Variants in TLK1 observed in about 807,000 individuals in gnomAD.
The protein encoded by TLK1 is serine/threonine-protein kinase tousled-like 1.
A neutral mutation model predicts 105.3 loss-of-function variants in TLK1; 24 were observed. That is an observed-to-expected ratio of 0.23 (90% CI 0.17 to 0.32). The LOEUF (loss-of-function observed/expected upper bound fraction) is 0.32. TLK1 is among the 10% of genes least tolerant of loss of function. TLK1 has a pLI of 1.00. For synonymous variants in TLK1, 321 were observed against 310.4 expected, an observed-to-expected ratio of 1.03 and a Z score of -0.36; for missense variants, 558 against 910.5, an observed-to-expected ratio of 0.61 and a Z score of 4.98.
At chr2:171,144,488 A>G (rs1322488425) in intron 1 of TLK1, among the ~76,000 whole-genome samples, 2 of 152,234 alleles carry the variant, frequency 1.3e-5, no homozygotes, top group African/African-American at 4.8e-5. Context: ...TCTGATCACA[A>G]TAGAATTAAA....
At chr2:171,056,999 A>G (rs1261933697) in intron 5 of TLK1, among the ~76,000 whole-genome samples, 5 of 152,188 alleles carry the variant, frequency 3.3e-5, no homozygotes, top group Non-Finnish European at 5.9e-5. Flanking sequence ...TTTAAACAGA[A>G]TATCATTCTC....
At chr2:171,144,587 TAAAAAG>T (rs1407453382) in intron 1 of TLK1, among the ~76,000 whole-genome samples, 5 of 151,248 alleles carry the variant, frequency 3.3e-5, no homozygotes, top group African/African-American at 1.2e-4. Flanking sequence ...TCAAATGAAA[TAAAAAG>T]AAAAATTAGA....
chr2:171,076,006 T>A (rs181617306), intron 3 of TLK1, among the ~76,000 whole-genome samples: 95 of 152,226 alleles, frequency 6.2e-4, no homozygotes, highest in African/African-American at 2.2e-3. Context: ...TCACTTGCGG[T>A]CAGGAGTTCA....
chr2:171,103,179 G>A (rs780045622), intron 2 of TLK1, among the ~76,000 whole-genome samples: 4 of 151,718 alleles, frequency 2.6e-5, no homozygotes, highest in Non-Finnish European at 5.9e-5. Flanking sequence ...TCTGTGTGGG[G>A]CACAGTGAAG....
chr2:171,042,197 A>C (rs1032494003), intron 11 of TLK1, among the ~76,000 whole-genome samples: 1 of 152,170 alleles, frequency 6.6e-6, no homozygotes, highest in Non-Finnish European at 1.5e-5. Flanking sequence ...CCTGTGACAA[A>C]CCAGAAAGAT....
At chr2:171,021,433 CTTTTTTTTT>C (rs531522490) in intron 12 of TLK1, among the ~76,000 whole-genome samples, 2 of 116,818 alleles carry the variant, frequency 1.7e-5, no homozygotes, top group Admixed American at 8.8e-5. Context: ...CCCGCCCCGA[CTTTTTTTTT>C]TTTTTTTTTT....
intron 2 of TLK1, among the ~76,000 whole-genome samples, chr2:171,086,446 T>C (rs1173276960): frequency 1.3e-5 from 2 of 151,860 alleles, no homozygotes; most frequent in African/African-American, 2.4e-5. Flanking sequence ...GCCAACATAG[T>C]GAAACCCCGT....
intron 1 of TLK1, among the ~76,000 whole-genome samples, chr2:171,152,157 T>C (rs1692067924): frequency 6.6e-6 from 1 of 152,170 alleles, no homozygotes. Flanking sequence ...AGCTAATTAG[T>C]TTTCAAGGAA....
At chr2:171,018,379 T>C (rs1003907044) in intron 12 of TLK1, among the ~76,000 whole-genome samples, 1 of 152,234 alleles carries the variant, frequency 6.6e-6, no homozygotes, top group African/African-American at 2.4e-5. Context: ...TGTAGATAAA[T>C]GCTAGGGCAA....
intron 2 of TLK1, among the ~76,000 whole-genome samples, chr2:171,112,911 A>C (rs1333342007): frequency 6.6e-6 from 1 of 152,186 alleles, no homozygotes; most frequent in Non-Finnish European, 1.5e-5. Flanking sequence ...AGGATAACCT[A>C]ATCTTACAAA....
chr2:171,141,904 A>G (rs1691591258), intron 1 of TLK1, among the ~76,000 whole-genome samples: 1 of 152,208 alleles, frequency 6.6e-6, no homozygotes, highest in South Asian at 2.1e-4. Context: ...CTGAGTATAT[A>G]AACAAATTTA....
intron 11 of TLK1, among the ~76,000 whole-genome samples, chr2:171,032,138 T>C (rs1377846855): frequency 6.6e-6 from 1 of 152,004 alleles, no homozygotes; most frequent in South Asian, 2.1e-4. Context: ...ACTAACATCA[T>C]AGTTAATGGT....
intron 1 of TLK1, among the ~76,000 whole-genome samples, chr2:171,204,882 C>T (rs944450972): frequency 6.6e-6 from 1 of 151,234 alleles, no homozygotes; most frequent in Non-Finnish European, 1.5e-5. Context: ...CACTTGAACC[C>T]GGGATTCGGA....
At chr2:171,037,171 T>C (rs185893066) in intron 11 of TLK1, among the ~76,000 whole-genome samples, 36 of 152,010 alleles carry the variant, frequency 2.4e-4, no homozygotes, top group Non-Finnish European at 1.0e-4. Flanking sequence ...GCCTGGCACG[T>C]TGGCTCACGC....
At chr2:171,144,316 A>C (rs569902051) in intron 1 of TLK1, among the ~76,000 whole-genome samples, 7 of 151,868 alleles carry the variant, frequency 4.6e-5, no homozygotes, top group African/African-American at 1.7e-4. Flanking sequence ...ACTATAATCA[A>C]CTAGATGGAA....
chr2:171,178,914 A>G (rs1223951252), intron 1 of TLK1, among the ~76,000 whole-genome samples: 1 of 152,204 alleles, frequency 6.6e-6, no homozygotes, highest in Non-Finnish European at 1.5e-5. Flanking sequence ...AATTTTATAT[A>G]TACTTTTTAT....
At position 171,106,527 on chromosome 2, in the gene TLK1, TCTGTTG is replaced by T. The variant is rs369098125; in HGVS notation, c.258+11206_258+11211del. Among the ~76,000 whole-genome samples, 524 of 152,320 alleles carry T rather than the reference TCTGTTG, an allele frequency of 3.4e-3. 6 individuals carry two copies. The highest frequency in any genetic ancestry group is 0.012 in the African/African-American group (483 of 41,562). On this transcript the variant is annotated intron_variant, in intron 2 of 20. Transcript: ENST00000431350. ...AAAAATGAAGGTTGTATGTACAGTA[TCTGTTG>T]CTTGTGCTTACTTCCTTGCTGCTGG...
chr2:171,125,569 C>A (rs1690835446), intron 1 of TLK1, among the ~76,000 whole-genome samples: 1 of 152,130 alleles, frequency 6.6e-6, no homozygotes, highest in Non-Finnish European at 1.5e-5. Context: ...TTGTGGTACA[C>A]CAAACAGTAG....
intron 4 of TLK1, chr2:171,059,844 C>T: frequency 1.2e-6 from 1 of 801,670 alleles, no homozygotes; most frequent in Non-Finnish European, 2.2e-6. Context: ...AAGGTTCACA[C>T]TCCTATGAGA....
Sources: allele counts gnomAD v4.1 joint callset (sites outside exome capture counted in the v4.1 genomes callset), GRCh38; gene constraint gnomAD v4.1.1; transcripts MANE v1.5; gene names NCBI Gene and HGNC (gene_info 2026-07-23, HGNC 2026-07-21).